The following TRIM36 variants were observed in gnomAD, a reference collection of about 807,000 sequenced individuals.
TRIM36 encodes tripartite motif containing 36, also known as E3 ubiquitin-protein ligase TRIM36.
In TRIM36, 42 loss-of-function variants were observed where a neutral mutation model predicts 72.4. The ratio of observed to expected loss-of-function variants is 0.58; its 90% CI spans 0.45 to 0.75. The LOEUF (loss-of-function observed/expected upper bound fraction) is 0.75. Among genes scored for constraint, TRIM36 ranks in the 30% least tolerant of loss-of-function variants. The probability of loss-of-function intolerance (pLI) is 0.00; values close to 1 mark genes in which losing one functional copy is unlikely to be tolerated. For synonymous variants in TRIM36, 315 were observed against 282.8 expected (o/e 1.11, Z -1.14); for missense variants, 913 against 857.1 (o/e 1.07, Z -0.81).
At chr5:115,165,581 GGCAGCTGCAGCCCATCTGGA>G (rs1754720344) in intron 1 of TRIM36, among the ~76,000 whole-genome samples, 1 of 152,200 alleles carries the variant, frequency 6.6e-6, no homozygotes, top group South Asian at 2.1e-4. Flanking sequence ...TCCCAGTGAT[GGCAGCTGCAGCCCATCTGGA>G]GCAGCTGCTG....
In TRIM36 at chr5:115,126,763, A is replaced by G. The variant is rs1376446956; in HGVS notation, c.1891T>C (p.Phe631Leu). ...GAAGTAGGTGACTTGGGTATAAAAA[A>G]TTTCTGCATGCCTATAGTAACTAAG... ...FTLVTIGMQK[F>L]FIPKSPTSSN... Residue 631 changes from phenylalanine (F) to leucine (L), a missense_variant, in exon 10 of 10, where the codon TTT (phenylalanine) becomes CTT (leucine). Physicochemically the swap from Phe to Leu is conservative, Grantham distance 22. Transcript: ENST00000513154. The G allele has an allele frequency of 6.2e-7, 1 of 1,614,172 alleles. No homozygotes were observed. Among genetic ancestry groups the G allele is most frequent in the East Asian group, 2.2e-5 (1 of 44,874 alleles).
At chr5:115,129,553 C>T (rs1455161419) in intron 9 of TRIM36, among the ~76,000 whole-genome samples, 8 of 152,058 alleles carry the variant, frequency 5.3e-5, no homozygotes, top group Non-Finnish European at 7.4e-5. Context: ...AGCAAAACTC[C>T]GTCTCAAAAA....
At chr5:115,144,922 A>G (rs1382040204) in intron 3 of TRIM36, among the ~76,000 whole-genome samples, 178 bp from the exon 4 acceptor site, 2 of 152,176 alleles carry the variant, frequency 1.3e-5, no homozygotes, top group Non-Finnish European at 1.5e-5. Flanking sequence ...CGGAATTACT[A>G]TTTTTCAATT....
chr5:115,177,630 C>G, intron 1 of TRIM36: 1 of 1,541,640 alleles, frequency 6.5e-7, no homozygotes, highest in Non-Finnish European at 8.7e-7. Flanking sequence ...GGCTGCGGGG[C>G]GGGGCAGGAT....
At chr5:115,175,507 T>C (rs1388404819) in intron 1 of TRIM36, among the ~76,000 whole-genome samples, 1 of 152,118 alleles carries the variant, frequency 6.6e-6, no homozygotes, top group Non-Finnish European at 1.5e-5. Context: ...CATGGCCATA[T>C]ACTAAAAAGC....
At chr5:115,132,142 G>C (rs1201354635) in intron 8 of TRIM36, among the ~76,000 whole-genome samples, 1 of 151,676 alleles carries the variant, frequency 6.6e-6, no homozygotes, top group African/African-American at 2.4e-5. Context: ...TTTGAGGCCA[G>C]CAAAGGCAAC....
At chr5:115,159,669 T>C (rs1243348725) in intron 2 of TRIM36, 8 of 453,188 alleles carry the variant, frequency 1.8e-5, no homozygotes, top group Non-Finnish European at 3.5e-5. Flanking sequence ...TCCGTTGTGA[T>C]GCTGTGAACA....
At chr5:115,159,957 C>A (rs1186404830) in intron 2 of TRIM36, among the ~76,000 whole-genome samples, 1 of 149,338 alleles carries the variant, frequency 6.7e-6, no homozygotes, top group African/African-American at 2.5e-5. Flanking sequence ...GTAAATGTTG[C>A]AAATACAAAG....
At chr5:115,130,991 A>C (rs1056280430) in intron 8 of TRIM36, 102 bp from the exon 9 acceptor site, 2 of 1,332,306 alleles carry the variant, frequency 1.5e-6, no homozygotes, top group African/African-American at 2.9e-5. Flanking sequence ...AGAGACAGGA[A>C]GCGGGAAGGA....
intron 1 of TRIM36, among the ~76,000 whole-genome samples, chr5:115,166,529 T>C (rs1283612706): frequency 6.6e-6 from 1 of 152,184 alleles, no homozygotes; most frequent in Non-Finnish European, 1.5e-5. Flanking sequence ...AGCTACTCTT[T>C]TGCTCAATAA....
At chr5:115,146,921 T>C in intron 3 of TRIM36, 148 bp downstream of exon 3, 1 of 815,146 alleles carries the variant, frequency 1.2e-6, no homozygotes, top group Non-Finnish European at 1.9e-6. Context: ...TCCAGCCAAC[T>C]AGGCCTTAAG....
intron 2 of TRIM36, among the ~76,000 whole-genome samples, chr5:115,148,115 T>G (rs1753689986): frequency 6.6e-6 from 1 of 152,196 alleles, no homozygotes; most frequent in Non-Finnish European, 1.5e-5. Context: ...AGACCTATAA[T>G]TTAGTGATTT....
upstream of TRIM36, chr5:115,171,023 C>G (rs1206730137): frequency 6.3e-7 from 1 of 1,584,782 alleles, no homozygotes; most frequent in Admixed American, 1.7e-5. Context: ...ACAATTCATT[C>G]CTATGTATTA....
chr5:115,151,959 C>G (rs974705875), intron 2 of TRIM36, among the ~76,000 whole-genome samples: 1 of 152,140 alleles, frequency 6.6e-6, no homozygotes, highest in Non-Finnish European at 1.5e-5. Context: ...GGTAATATGA[C>G]AAAACAAGGT....
At chr5:115,166,729 G>A (rs1425359286) in intron 1 of TRIM36, among the ~76,000 whole-genome samples, 1 of 152,214 alleles carries the variant, frequency 6.6e-6, no homozygotes, top group Non-Finnish European at 1.5e-5. Context: ...CAGCCCTTCA[G>A]GGAGCCTGGA....
intron 7 of TRIM36, among the ~76,000 whole-genome samples, chr5:115,134,987 A>T (rs1028805340): frequency 1.3e-5 from 2 of 152,210 alleles, no homozygotes; most frequent in Non-Finnish European, 2.9e-5. Context: ...AACTAACTCA[A>T]AGGTAATTAC....
At chr5:115,149,981 G>A (rs934293459) in intron 2 of TRIM36, among the ~76,000 whole-genome samples, 6 of 152,068 alleles carry the variant, frequency 3.9e-5, no homozygotes, top group African/African-American at 7.2e-5. Flanking sequence ...GGATGGTCTC[G>A]ATCTCCTGAC....
chr5:115,145,501 G>A (rs1753540039), intron 3 of TRIM36, among the ~76,000 whole-genome samples: 1 of 151,396 alleles, frequency 6.6e-6, no homozygotes, highest in South Asian at 2.1e-4. Context: ...TAACTTGTCT[G>A]ATAACTTACA....
chr5:115,146,838 C>T (rs1457755753), intron 3 of TRIM36, among the ~76,000 whole-genome samples: 2 of 152,118 alleles, frequency 1.3e-5, no homozygotes, highest in African/African-American at 4.8e-5. Flanking sequence ...TATTATATCA[C>T]ACTGGATTGT....
Sources: allele counts gnomAD v4.1 joint callset (sites outside exome capture counted in the v4.1 genomes callset), GRCh38; gene constraint gnomAD v4.1.1; transcripts MANE v1.5; gene names NCBI Gene and HGNC (gene_info 2026-07-23, HGNC 2026-07-21).